GNA14: variants seen among roughly 807,000 people sequenced by gnomAD.
The protein encoded by GNA14 is guanine nucleotide-binding protein subunit alpha-14.
Under a neutral mutation model 42.0 loss-of-function variants are expected in GNA14, and 50 were observed. The ratio of observed to expected loss-of-function variants is 1.19; its 90% CI spans 0.95 to 1.51. The LOEUF is 1.51. GNA14 is among the 40% of genes most tolerant of loss of function. GNA14 has a pLI of 0.00. For missense variants in GNA14, 473 were observed against 446.2 expected (o/e 1.06, Z -0.54); for synonymous variants, 173 against 163.1 (o/e 1.06, Z -0.46).
At chr9:77,595,588 C>G (rs528269588) in intron 1 of GNA14, among the ~76,000 whole-genome samples, 81 of 152,262 alleles carry the variant, frequency 5.3e-4, no homozygotes, top group Non-Finnish European at 1.0e-3. Context: ...TCATACTACT[C>G]CCTTCCGAAC....
At chr9:77,557,370 G>T (rs1822801135) in intron 1 of GNA14, among the ~76,000 whole-genome samples, 3 of 152,178 alleles carry the variant, frequency 2.0e-5, no homozygotes. Context: ...TTATGATCCA[G>T]TGGGAAAGTA....
At chr9:77,575,549 G>T (rs915705659) in intron 1 of GNA14, among the ~76,000 whole-genome samples, 5 of 152,140 alleles carry the variant, frequency 3.3e-5, no homozygotes, top group African/African-American at 1.2e-4. Flanking sequence ...ATTACTTGAA[G>T]ATTTTTTTTA....
At chr9:77,517,011 G>A (rs1207763325) in intron 2 of GNA14, among the ~76,000 whole-genome samples, 1 of 152,208 alleles carries the variant, frequency 6.6e-6, no homozygotes, top group East Asian at 1.9e-4. Flanking sequence ...AGTGCCTGGT[G>A]CAGTTTGGAC....
intron 1 of GNA14, among the ~76,000 whole-genome samples, chr9:77,600,015 C>G (rs1189491255): frequency 2.0e-5 from 3 of 152,142 alleles, no homozygotes; most frequent in Non-Finnish European, 1.5e-5. Context: ...CTTGATTTAG[C>G]CATTCCACAA....
intron 1 of GNA14, among the ~76,000 whole-genome samples, chr9:77,593,999 T>C (rs988144794): frequency 6.6e-6 from 1 of 152,178 alleles, no homozygotes; most frequent in African/African-American, 2.4e-5. Context: ...ACTGCTTCCT[T>C]TTTGCCTAAT....
chr9:77,515,871 G>T (rs894539831), intron 2 of GNA14, among the ~76,000 whole-genome samples: 2 of 148,642 alleles, frequency 1.3e-5, no homozygotes, highest in Non-Finnish European at 3.0e-5. Context: ...GAAGTGGGAG[G>T]ATTGCTTAAG....
At chr9:77,525,600 A>G (rs527695706) in intron 2 of GNA14, among the ~76,000 whole-genome samples, 10 of 148,592 alleles carry the variant, frequency 6.7e-5, no homozygotes, top group Non-Finnish European at 1.5e-4. Flanking sequence ...GTGCAGTGGC[A>G]TGATCTCCGC....
In GNA14 at chr9:77,647,918, T is replaced by C; in HGVS notation, c.-125A>G. ...GTGGAAAGAAAAGACGGGGGCCGAC[T>C]TGAGCTTTGGAGTAAGACGCCTGGA... On this transcript the variant is annotated 5_prime_UTR_variant, in exon 1 of 7. Transcript: ENST00000341700. The C allele has an allele frequency of 8.4e-7, 1 of 1,189,536 alleles. No individual in the cohort carries two copies. The highest frequency in any genetic ancestry group is 1.2e-6 in the Non-Finnish European group (1 of 858,064). The allele number at this position is 1,189,536 out of a possible 1,614,324, so 73.7% of individuals were successfully genotyped here. A position where few individuals can be genotyped will look rare whatever the true frequency, so the allele number is the denominator to read the frequency against.
chr9:77,592,640 T>C (rs1823408077), intron 1 of GNA14, among the ~76,000 whole-genome samples: 1 of 152,198 alleles, frequency 6.6e-6, no homozygotes, highest in East Asian at 1.9e-4. Flanking sequence ...CTGCTTCCTC[T>C]CTAAACATTC....
intron 2 of GNA14, among the ~76,000 whole-genome samples, chr9:77,470,259 A>G (rs995449412): frequency 6.6e-6 from 1 of 152,218 alleles, no homozygotes; most frequent in African/African-American, 2.4e-5. Context: ...TCCTCAGGAC[A>G]TGGGCTGACA....
chr9:77,619,623 T>C (rs571419120), intron 1 of GNA14, among the ~76,000 whole-genome samples: 1 of 152,288 alleles, frequency 6.6e-6, no homozygotes, highest in African/African-American at 2.4e-5. Flanking sequence ...TTAGCTCAGT[T>C]TCCTCATCAG....
chr9:77,491,266 G>T (rs1316767552), intron 2 of GNA14, among the ~76,000 whole-genome samples: 1 of 152,200 alleles, frequency 6.6e-6, no homozygotes, highest in Non-Finnish European at 1.5e-5. Context: ...ACATTTGAAG[G>T]TATAAAATCC....
intron 1 of GNA14, among the ~76,000 whole-genome samples, chr9:77,579,571 G>T (rs916212013): frequency 6.6e-6 from 1 of 152,070 alleles, no homozygotes; most frequent in African/African-American, 2.4e-5. Flanking sequence ...CAAGTCCCTG[G>T]TCTTGGGCTT....
intron 4 of GNA14, among the ~76,000 whole-genome samples, chr9:77,430,020 G>C (rs1197310196): frequency 6.6e-6 from 1 of 152,048 alleles, no homozygotes; most frequent in African/African-American, 2.4e-5. Flanking sequence ...GTCTGGAAAA[G>C]TGCAGGAAGG....
At chr9:77,510,496 G>A (rs563802786) in intron 2 of GNA14, among the ~76,000 whole-genome samples, 6 of 152,212 alleles carry the variant, frequency 3.9e-5, no homozygotes, top group South Asian at 2.1e-4. Flanking sequence ...CACCATGCCC[G>A]GCTAATTTTT....
intron 2 of GNA14, among the ~76,000 whole-genome samples, chr9:77,484,592 G>T (rs1394370486): frequency 6.6e-6 from 1 of 152,098 alleles, no homozygotes; most frequent in African/African-American, 2.4e-5. Context: ...ATGAGGCAGG[G>T]GACTGCTCTT....
intron 2 of GNA14, among the ~76,000 whole-genome samples, chr9:77,522,737 T>A (rs1011071959): frequency 6.6e-6 from 1 of 152,174 alleles, no homozygotes; most frequent in Non-Finnish European, 1.5e-5. Context: ...GTGGGGGTGA[T>A]ACTCTTGGCA....
chr9:77,568,971 A>G (rs1196149865), intron 1 of GNA14, among the ~76,000 whole-genome samples: 1 of 152,118 alleles, frequency 6.6e-6, no homozygotes, highest in Non-Finnish European at 1.5e-5. Context: ...GCTACTCGAT[A>G]TTTTCAGGTG....
At chr9:77,496,420 A>T (rs1836869700) in intron 2 of GNA14, among the ~76,000 whole-genome samples, 1 of 152,162 alleles carries the variant, frequency 6.6e-6, no homozygotes, top group South Asian at 2.1e-4. Context: ...GTTTATTCAG[A>T]CTCAAGATCC....
Sources: gnomAD v4.1 joint callset for allele counts (sites outside exome capture counted in the v4.1 genomes callset) on GRCh38, gnomAD v4.1.1 for gene constraint, MANE v1.5 for transcripts, NCBI Gene and HGNC (gene_info 2026-07-23, HGNC 2026-07-21) for gene names.